Variants in CEP290 observed in about 807,000 individuals in gnomAD.
The protein encoded by CEP290 is centrosomal protein of 290 kDa.
CEP290 carries 317 observed loss-of-function variants against 344.9 expected under a neutral mutation model. The observed-to-expected ratio is 0.92, with a 90% CI of 0.84 to 1.01. CEP290 has a LOEUF of 1.01. Ranked by LOEUF, CEP290 falls within the 50% of genes least tolerant of loss-of-function variation. CEP290 has a pLI of 0.00. For missense variants in CEP290, 2,754 were observed against 2,761.4 expected (o/e 1.00, Z 0.06); for synonymous variants, 932 against 895.8 (o/e 1.04, Z -0.72).
rs762799648 is a variant in CEP290 at position 88,106,696 on chromosome 12, A to G, written c.2796T>C (p.Ile932=). Residue 932 remains isoleucine, a synonymous_variant, in exon 25 of 54, where the codon ATT becomes ATC. Coordinates refer to ENST00000552810, the MANE Select transcript of CEP290 (RefSeq NM_025114.4). ...GTACCTTAAATCTTTGCAAACACCC[A>G]ATTTTTTCACAAACTTCAGCCTCCA... is the stretch of plus-strand genomic sequence containing the variant. ...LSMEAEVCEK[I]GCLQRFKEMA... The G allele has an allele frequency of 6.2e-7, 1 of 1,608,108 alleles. No homozygotes were observed. The highest frequency in any genetic ancestry group is 8.5e-7 in the Non-Finnish European group (1 of 1,178,084).
chr12:88,126,398 T>C lies in CEP290; in HGVS notation c.983A>G (p.Gln328Arg). 6.6e-7 allele frequency: 1 copy of C among 1,516,828 alleles called. No individual in the cohort carries two copies. The highest frequency in any genetic ancestry group is 8.8e-7 in the Non-Finnish European group (1 of 1,137,304). 94.0% of individuals were successfully genotyped at this position (1,516,828 alleles called of 1,614,324 possible). ...SSKDDEIIEY[Q>R]QMLHNLREKL... is the part of the protein sequence containing the mutation. Reference sequence around the variant, plus strand: ...CTCCCTTAGGTTATGTAACATTTGCTGATACTCAATAATTTCATCATCTTT... The same window carrying C: ...CTCCCTTAGGTTATGTAACATTTGCCGATACTCAATAATTTCATCATCTTT... Residue 328 changes from glutamine (Q) to arginine (R), a missense_variant, in exon 12 of 54, where the codon CAG becomes CGG. Gln to Arg is a conservative substitution (Grantham distance 43, BLOSUM62 1). Transcript: ENST00000552810.
chr12:88,058,965 T>C lies in CEP290; in HGVS notation c.6701A>G (p.Asn2234Ser). The C allele has an allele frequency of 6.2e-7, 1 of 1,613,568 alleles. No homozygotes were observed. The highest frequency in any genetic ancestry group is 1.1e-5 in the South Asian group (1 of 90,970). ...TTCTAGTTGAACTGTCATCTTCTCA[T>C]TTAATATCTCTAAATTATTCTTTGC... The part of the protein sequence containing the change: ...RIAKNNLEIL[N>S]EKMTVQLEET... The change falls in exon 49 of 54, where the codon AAT becomes AGT. Residue 2234 changes from asparagine (N) to serine (S), a missense_variant. Coordinates refer to ENST00000552810, the MANE Select transcript of CEP290 (RefSeq NM_025114.4).
intron 41 of CEP290, among the ~76,000 whole-genome samples, chr12:88,075,429 C>G (rs2035691051): frequency 6.6e-6 from 1 of 151,880 alleles, no homozygotes; most frequent in Non-Finnish European, 1.5e-5. Flanking sequence ...AATTTATATT[C>G]ATTCAACAAA....
At chr12:88,082,499 C>T (rs1457939140) in intron 37 of CEP290, among the ~76,000 whole-genome samples, 2 of 152,064 alleles carry the variant, frequency 1.3e-5, no homozygotes, top group African/African-American at 4.8e-5. Context: ...TCAAGACCAG[C>T]CTGGGCAACA....
At chr12:88,088,694 G>T (rs764008862) in intron 31 of CEP290, among the ~76,000 whole-genome samples, 6 of 152,120 alleles carry the variant, frequency 3.9e-5, no homozygotes, top group Non-Finnish European at 7.4e-5. Flanking sequence ...CTCTTTTGAA[G>T]ATAATGAATT....
In CEP290 at chr12:88,062,689, T is replaced by C. The variant is rs777062671; in HGVS notation, c.6357+3A>G. 4.4e-6 allele frequency: 7 copies of C among 1,590,240 alleles called. No homozygotes were observed. The highest frequency in any genetic ancestry group is 1.7e-4 in the Middle Eastern group (1 of 6,002). ...AACAAATGTATGGTAAATTCTCACA[T>C]ACCCCTCTAACATGGCCAAGTTTCC... On this transcript the variant is annotated splice_donor_region_variant and intron_variant, in intron 46 of 53. Transcript: ENST00000552810.
At chr12:88,081,293 G>T (rs983894821) in intron 37 of CEP290, among the ~76,000 whole-genome samples, 2 of 152,062 alleles carry the variant, frequency 1.3e-5, no homozygotes, top group African/African-American at 2.4e-5. Context: ...ATATTGAAAA[G>T]ACTAATATAA....
intron 46 of CEP290, among the ~76,000 whole-genome samples, chr12:88,062,369 T>C (rs2136777250): frequency 6.6e-6 from 1 of 152,214 alleles, no homozygotes; most frequent in South Asian, 2.1e-4. Context: ...TCATAACAAA[T>C]GGTTACAAAA....
In CEP290 at chr12:88,107,049, T is replaced by G. The variant is rs371475408; in HGVS notation, c.2533A>C (p.Arg845=). The change falls in exon 24 of 54, where the codon AGA becomes CGA. Residue 845 remains arginine (R), a synonymous_variant. Coordinates refer to ENST00000552810, the MANE Select transcript of CEP290 (RefSeq NM_025114.4). ...TESKTIKEEK[R]KLEDQVQQDA... is the part of the protein sequence containing the mutation. ...TGTTGGACTTGATCCTCAAGTTTTC[T>G]CTTTTCCTCTTTTATTGTTTTAGAT... 1.9e-6 allele frequency: 3 copies of G among 1,553,370 alleles called. No homozygotes were observed. In the East Asian group the frequency reaches 7.0e-5, roughly 36 times the overall value.
intron 13 of CEP290, among the ~76,000 whole-genome samples, chr12:88,123,221 G>A (rs1319793196): frequency 1.3e-5 from 2 of 151,832 alleles, no homozygotes; most frequent in Non-Finnish European, 2.9e-5. Context: ...TTCTTTAATG[G>A]AGCTCTCCTA....
intron 46 of CEP290, among the ~76,000 whole-genome samples, chr12:88,062,302 A>G (rs573581636): frequency 6.6e-6 from 1 of 152,256 alleles, no homozygotes; most frequent in South Asian, 2.1e-4. Flanking sequence ...CAAGAACACA[A>G]AAAAAGAGGG....
rs373119842 is a variant in CEP290, at chr12:88,130,248, T to C, written c.669+20A>G. On this transcript the variant is annotated intron_variant, in intron 9 of 53. Coordinates refer to ENST00000552810, the MANE Select transcript of CEP290 (RefSeq NM_025114.4). ...AGTTTTTAGGAACCATTGCTCTGAATTGACTTCTAGCCATTTTACCTGAAT... is the reference window on the plus strand; with the variant it reads ...AGTTTTTAGGAACCATTGCTCTGAACTGACTTCTAGCCATTTTACCTGAAT... 29 of 1,583,840 alleles carry C rather than the reference T, an allele frequency of 1.8e-5. No homozygotes were observed. The East Asian group carries it at 2.3e-4, about 12-fold the overall frequency.
chr12:88,073,712 G>A (rs888432085), intron 41 of CEP290, among the ~76,000 whole-genome samples: 2 of 151,976 alleles, frequency 1.3e-5, no homozygotes, highest in Admixed American at 1.3e-4. Flanking sequence ...CAGGAAGATT[G>A]TTTGAGCCCA....
chr12:88,122,914 T>C (rs1338336692), intron 13 of CEP290, among the ~76,000 whole-genome samples: 1 of 152,106 alleles, frequency 6.6e-6, no homozygotes, highest in African/African-American at 2.4e-5. Flanking sequence ...CTCAAACTTA[T>C]GAAACATCTT....
chr12:88,078,558 G>A (rs1443198641), intron 39 of CEP290, among the ~76,000 whole-genome samples: 1 of 151,852 alleles, frequency 6.6e-6, no homozygotes, highest in Non-Finnish European at 1.5e-5. Flanking sequence ...AGATTTTTAG[G>A]GCAGTGAAAA....
At chr12:88,111,102 A>C (rs1179642469) in intron 22 of CEP290, 100 bp downstream of exon 22, 1 of 685,050 alleles carries the variant, frequency 1.5e-6, no homozygotes, top group East Asian at 3.4e-5. Context: ...AAAAATTAAA[A>C]TAAAGTAAAA....
At chr12:88,129,470 A>C (rs1359955511) in intron 10 of CEP290, among the ~76,000 whole-genome samples, 1 of 152,052 alleles carries the variant, frequency 6.6e-6, no homozygotes, top group African/African-American at 2.4e-5. Flanking sequence ...CTATCTACAC[A>C]TTCATTCAAG....
intron 29 of CEP290, 25 bp from the exon 30 acceptor site, chr12:88,090,864 G>A: frequency 1.4e-6 from 2 of 1,388,414 alleles, no homozygotes; most frequent in Non-Finnish European, 2.0e-6. Context: ...GGTATTTCAG[G>A]AACAATTAAG....
At chr12:88,091,121 A>G (rs1379113835) in intron 29 of CEP290, among the ~76,000 whole-genome samples, 1 of 152,150 alleles carries the variant, frequency 6.6e-6, no homozygotes, top group Non-Finnish European at 1.5e-5. Flanking sequence ...TCTATCATAT[A>G]TAATTATCTC....
Sources: allele counts gnomAD v4.1 joint callset (sites outside exome capture counted in the v4.1 genomes callset), GRCh38; gene constraint gnomAD v4.1.1; transcripts MANE v1.5; gene names NCBI Gene and HGNC (gene_info 2026-07-23, HGNC 2026-07-21).